Variants in SLAIN1 observed in about 807,000 individuals in gnomAD.
SLAIN1 encodes SLAIN motif-containing protein 1.
A neutral mutation model predicts 55.4 loss-of-function variants in SLAIN1; 17 were observed. The observed-to-expected ratio is 0.31, with a 90% CI of 0.21 to 0.46. SLAIN1 has a LOEUF of 0.46. Among genes scored for constraint, SLAIN1 ranks in the 20% least tolerant of loss-of-function variants. The pLI, the probability that SLAIN1 is intolerant of heterozygous loss-of-function variation, is 1.00. For synonymous variants in SLAIN1, 348 were observed against 337.4 expected (o/e 1.03, Z -0.35); for missense variants, 682 against 785.1 (o/e 0.87, Z 1.57).
intron 2 of SLAIN1, chr13:77,741,289 T>A: frequency 1.0e-6 from 1 of 987,402 alleles, no homozygotes; most frequent in Non-Finnish European, 1.2e-6. Context: ...TAATAGAGAT[T>A]GAACATGTGA....
chr13:77,745,150 T>C (rs1873727899), intron 3 of SLAIN1, among the ~76,000 whole-genome samples: 1 of 151,946 alleles, frequency 6.6e-6, no homozygotes, highest in Non-Finnish European at 1.5e-5. Flanking sequence ...TTTTGCAGTG[T>C]TGGTACTATT....
chr13:77,704,382 T>G (rs1230868456), intron 1 of SLAIN1, among the ~76,000 whole-genome samples: 1 of 53,638 alleles, frequency 1.9e-5, no homozygotes, highest in Admixed American at 2.6e-4. Flanking sequence ...TTTATATGTA[T>G]ATATACATAG....
chr13:77,719,536 T>C lies in SLAIN1; in HGVS notation c.631T>C (p.Tyr211His). Residue 211 changes from tyrosine (Y) to histidine (H), a missense_variant, in exon 2 of 7, where the codon TAC becomes CAC. Around this residue, in one of 3 missense-constraint regions of SLAIN1, gnomAD observed 401 missense variants for 417.3 expected, o/e 0.96. Transcript: ENST00000418532. ...ATGTAGATTTCTTTTTTTAAGGTTATACATTGGCTCTTCAAAGACGTTCAC... is the reference window on the plus strand; with the variant it reads ...ATGTAGATTTCTTTTTTTAAGGTTACACATTGGCTCTTCAAAGACGTTCAC... ...WRDEDDYTWL[Y>H]IGSSKTFTSS... 6.2e-7 allele frequency: 1 copy of C among 1,611,880 alleles called. No individual in the cohort carries two copies. Among genetic ancestry groups the C allele is most frequent in the East Asian group, 2.2e-5 (1 of 44,848 alleles).
intron 1 of SLAIN1, among the ~76,000 whole-genome samples, chr13:77,715,702 A>T (rs915743406): frequency 6.6e-6 from 1 of 152,152 alleles, no homozygotes; most frequent in African/African-American, 2.4e-5. Context: ...ACATCTTTTC[A>T]TATAGCTGTT....
intron 2 of SLAIN1, among the ~76,000 whole-genome samples, chr13:77,736,147 G>T (rs1383807100): frequency 6.6e-6 from 1 of 151,962 alleles, no homozygotes; most frequent in East Asian, 1.9e-4. Flanking sequence ...CACTTTCATG[G>T]TTAACCATTT....
In SLAIN1 at chr13:77,744,366, A is replaced by G. The variant is rs376512778; in HGVS notation, c.850A>G (p.Ile284Val). The G allele has an allele frequency of 8.7e-6, 14 of 1,612,750 alleles. No individual in the cohort carries two copies. Among genetic ancestry groups the G allele is most frequent in the East Asian group, 4.5e-5 (2 of 44,856 alleles). ...TACTTCAGAATTGGAGGATGATTCT[A>G]TCTCCATGGGATATAAATTACAGGA... is the stretch of plus-strand genomic sequence containing the variant. ...LSTSELEDDS[I>V]SMGYKLQDLT... is the part of the protein sequence containing the mutation. Residue 284 changes from isoleucine to valine, a missense_variant, in exon 3 of 7, where the codon ATC becomes GTC. By Grantham distance (29) the Ile-to-Val change is conservative. Around this residue, in one of 3 missense-constraint regions of SLAIN1, gnomAD observed 401 missense variants for 417.3 expected, o/e 0.96. Coordinates refer to ENST00000418532, the MANE Select transcript of SLAIN1 (RefSeq NM_001242868.2).
chr13:77,698,524 A>C lies in SLAIN1; in HGVS notation c.611A>C (p.Glu204Ala), dbSNP rs2090997158. ...DLESVAAWRD[E>A]DDYTWLYIGS... The stretch of plus-strand genomic sequence containing the variant: ...GAGAGCGTAGCCGCCTGGCGGGACG[A>C]GGACGACTACACCTGGTACTGCCTG... Residue 204 changes from glutamate to alanine, a missense_variant, in exon 1 of 7, where the codon GAG (glutamate) becomes GCG (alanine). By Grantham distance (107) the Glu-to-Ala change is moderately radical (BLOSUM62 -1). Coordinates refer to ENST00000418532, the MANE Select transcript of SLAIN1 (RefSeq NM_001242868.2). The surrounding 1 kb of genome is among the most constrained non-coding windows in gnomAD (Gnocchi z 4.1). 6.2e-6 allele frequency: 9 copies of C among 1,444,470 alleles called. No individual in the cohort carries two copies. The highest frequency in any genetic ancestry group is 8.1e-6 in the Non-Finnish European group (9 of 1,106,378). 89.5% of individuals were successfully genotyped at this position (1,444,470 alleles called of 1,614,324 possible).
At chr13:77,744,458 A>G in intron 3 of SLAIN1, 26 bp downstream of exon 3, 1 of 1,606,238 alleles carries the variant, frequency 6.2e-7, no homozygotes, top group Non-Finnish European at 8.5e-7. Flanking sequence ...AAACTAGCAA[A>G]ATGAGGCTTC....
chr13:77,735,299 C>T (rs897629573), intron 2 of SLAIN1, among the ~76,000 whole-genome samples: 2 of 152,124 alleles, frequency 1.3e-5, no homozygotes, highest in African/African-American at 4.8e-5. Context: ...TGAATTCTTA[C>T]TGAAGTGTCC....
At chr13:77,732,807 G>A (rs781168198) in intron 2 of SLAIN1, among the ~76,000 whole-genome samples, 4 of 152,000 alleles carry the variant, frequency 2.6e-5, no homozygotes, top group Non-Finnish European at 4.4e-5. Flanking sequence ...CTTATCTTCA[G>A]TTTTGACCAA....
At chr13:77,700,119 G>T (rs553748441) in intron 1 of SLAIN1, among the ~76,000 whole-genome samples, 1 of 152,238 alleles carries the variant, frequency 6.6e-6, no homozygotes, top group South Asian at 2.1e-4. Context: ...TTGTAAATAT[G>T]AGATTAGTAA....
chr13:77,750,479 A>G (rs1257258702), intron 4 of SLAIN1, among the ~76,000 whole-genome samples: 2 of 152,146 alleles, frequency 1.3e-5, no homozygotes, highest in African/African-American at 4.8e-5. Flanking sequence ...AATAGTCAAA[A>G]GATCTAGATA....
At chr13:77,713,876 C>T (rs1171761074) in intron 1 of SLAIN1, among the ~76,000 whole-genome samples, 1 of 152,086 alleles carries the variant, frequency 6.6e-6, no homozygotes, top group African/African-American at 2.4e-5. Flanking sequence ...TTTGCAGGGA[C>T]ATGGATGAAG....
At position 77,698,951 on chromosome 13, in the gene SLAIN1, C is replaced by G. The variant is rs1410973200; in HGVS notation, c.626+412C>G. The G allele has an allele frequency of 6.5e-7, 1 of 1,534,186 alleles. No homozygotes were observed. The highest frequency in any genetic ancestry group is 8.7e-7 in the Non-Finnish European group (1 of 1,146,756). On this transcript the variant is annotated intron_variant, in intron 1 of 6. Transcript: ENST00000418532. The surrounding 1 kb of genome is among the most constrained non-coding windows in gnomAD (Gnocchi z 4.1). Reference sequence around the variant, plus strand: ...GGTAGGGGTTGGCCTCTGTCTGCGACTGTTACTGTTCTTTCGTTTTAAACG... The same window carrying G: ...GGTAGGGGTTGGCCTCTGTCTGCGAGTGTTACTGTTCTTTCGTTTTAAACG...
At chr13:77,740,013 G>A (rs1873336877) in intron 2 of SLAIN1, among the ~76,000 whole-genome samples, 1 of 152,000 alleles carries the variant, frequency 6.6e-6, no homozygotes, top group African/African-American at 2.4e-5. Flanking sequence ...TTCAGTAGAA[G>A]ATGATTGTCA....
At chr13:77,718,150 T>TA (rs1186260057) in intron 1 of SLAIN1, among the ~76,000 whole-genome samples, 4 of 152,142 alleles carry the variant, frequency 2.6e-5, no homozygotes, top group Non-Finnish European at 5.9e-5. Flanking sequence ...ATCTATATTT[T>TA]AGAGTCCTTA....
At chr13:77,743,924 TTATAA>T (rs1457996459) in intron 2 of SLAIN1, among the ~76,000 whole-genome samples, 3 of 152,044 alleles carry the variant, frequency 2.0e-5, no homozygotes, top group Non-Finnish European at 4.4e-5. Flanking sequence ...ATATATATTC[TTATAA>T]TATCATGCCT....
At chr13:77,719,464 C>A in intron 1 of SLAIN1, 68 bp from the exon 2 acceptor site, 1 of 1,131,190 alleles carries the variant, frequency 8.8e-7, no homozygotes, top group South Asian at 1.7e-5. Context: ...ATACATGTTG[C>A]TTTCCCCAGA....
intron 5 of SLAIN1, among the ~76,000 whole-genome samples, chr13:77,758,407 T>G (rs1874761415): frequency 6.6e-6 from 1 of 152,202 alleles, no homozygotes; most frequent in Non-Finnish European, 1.5e-5. Flanking sequence ...TTTATTTTGG[T>G]GTGCAGAAGC....
Sources: gnomAD v4.1 joint callset for allele counts (sites outside exome capture counted in the v4.1 genomes callset) on GRCh38, gnomAD v4.1.1 for gene constraint, gnomAD v4.1.1 regional missense constraint, Gnocchi (gnomAD v3.1) non-coding constraint, MANE v1.5 for transcripts, NCBI Gene and HGNC (gene_info 2026-07-23, HGNC 2026-07-21) for gene names.